The following WWOX variants were observed in gnomAD, a reference collection of about 807,000 sequenced individuals.
WWOX encodes the protein WW domain containing oxidoreductase, also known as WW domain-containing oxidoreductase.
WWOX carries 69 observed loss-of-function variants against 46.2 expected under a neutral mutation model. The observed-to-expected ratio is 1.49, with a 90% CI of 1.23 to 1.82. WWOX has a LOEUF of 1.82. Ranked by LOEUF, WWOX falls within the 40% of genes most tolerant of loss-of-function variation. WWOX has a pLI of 0.00. For missense variants in WWOX, 919 were observed against 542.6 expected (o/e 1.69, Z -6.89); for synonymous variants, 359 against 202.6 (o/e 1.77, Z -6.56).
At chr16:78,291,839 A>C (rs1366916202) in intron 5 of WWOX, among the ~76,000 whole-genome samples, 2 of 152,172 alleles carry the variant, frequency 1.3e-5, no homozygotes, top group Non-Finnish European at 2.9e-5. Context: ...CCATCTTTGC[A>C]GTGAGCTGAG....
At chr16:79,154,748 C>G (rs989876133) in intron 8 of WWOX, among the ~76,000 whole-genome samples, 1 of 152,146 alleles carries the variant, frequency 6.6e-6, no homozygotes, top group African/African-American at 2.4e-5. Context: ...GTTTTCATGT[C>G]TTTTGGGTCC....
At chr16:78,769,754 C>A (rs947086279) in intron 8 of WWOX, among the ~76,000 whole-genome samples, 1 of 151,286 alleles carries the variant, frequency 6.6e-6, no homozygotes, top group Non-Finnish European at 1.5e-5. Context: ...TGTCTGTAAT[C>A]CCAGCACTTT....
chr16:78,498,860 C>G (rs538616961), intron 8 of WWOX, among the ~76,000 whole-genome samples: 7 of 92,656 alleles, frequency 7.6e-5, no homozygotes, highest in Non-Finnish European at 1.8e-4. Context: ...GCCACTGTTA[C>G]TGGTCTGTTT....
At chr16:79,064,359 T>A (rs1282837158) in intron 8 of WWOX, among the ~76,000 whole-genome samples, 1 of 152,220 alleles carries the variant, frequency 6.6e-6, no homozygotes, top group African/African-American at 2.4e-5. Flanking sequence ...AAGTTTCAGT[T>A]TCCTTATCTG....
intron 5 of WWOX, among the ~76,000 whole-genome samples, chr16:78,385,723 T>C (rs1341229491): frequency 2.0e-5 from 3 of 152,172 alleles, no homozygotes; most frequent in African/African-American, 7.2e-5. Flanking sequence ...CTTACAGGTA[T>C]CATGTTATCC....
chr16:78,311,572 T>C (rs1349418061), intron 5 of WWOX, among the ~76,000 whole-genome samples: 2 of 152,224 alleles, frequency 1.3e-5, no homozygotes, highest in African/African-American at 2.4e-5. Flanking sequence ...GAGCAAGCAA[T>C]GTGACCTTAC....
chr16:78,862,372 T>C (rs1161356685), intron 8 of WWOX, among the ~76,000 whole-genome samples: 2 of 151,332 alleles, frequency 1.3e-5, no homozygotes, highest in African/African-American at 4.9e-5. Flanking sequence ...CACTATAGTA[T>C]ATAGAGTATA....
intron 8 of WWOX, among the ~76,000 whole-genome samples, chr16:79,076,645 C>T (rs1479910061): frequency 3.3e-5 from 5 of 152,152 alleles, no homozygotes; most frequent in Admixed American, 1.3e-4. Flanking sequence ...GCTAGGTAGG[C>T]GGTATGGGAA....
intron 5 of WWOX, among the ~76,000 whole-genome samples, chr16:78,286,283 G>A (rs183951005): frequency 1.2e-4 from 19 of 152,340 alleles, no homozygotes; most frequent in African/African-American, 4.6e-4. Flanking sequence ...ACATGCTGCT[G>A]TACCATATGG....
intron 5 of WWOX, among the ~76,000 whole-genome samples, chr16:78,336,877 T>G (rs974997567): frequency 5.3e-5 from 8 of 152,032 alleles, no homozygotes; most frequent in Non-Finnish European, 5.9e-5. Context: ...CCTCCCAGTT[T>G]AAGCCATTCT....
chr16:78,531,045 C>A (rs78513494), intron 8 of WWOX, among the ~76,000 whole-genome samples: 170 of 152,216 alleles, frequency 1.1e-3, no homozygotes, highest in African/African-American at 4.0e-3. Context: ...CATTAACTGT[C>A]CTTGTTTTAT....
At chr16:79,051,862 C>A (rs1225980027) in intron 8 of WWOX, among the ~76,000 whole-genome samples, 1 of 152,206 alleles carries the variant, frequency 6.6e-6, no homozygotes, top group South Asian at 2.1e-4. Context: ...TTAGCTCCCA[C>A]AGTTTAGCCT....
chr16:78,233,273 A>G (rs1159635857), intron 5 of WWOX, among the ~76,000 whole-genome samples: 1 of 151,522 alleles, frequency 6.6e-6, no homozygotes, highest in Non-Finnish European at 1.5e-5. Flanking sequence ...TGCCTTTTCC[A>G]ATCATAATAG....
chr16:78,933,970 T>C (rs1247703521), intron 8 of WWOX, among the ~76,000 whole-genome samples: 1 of 151,888 alleles, frequency 6.6e-6, no homozygotes, highest in Non-Finnish European at 1.5e-5. Flanking sequence ...GGTGGGAGAA[T>C]TACTTGAGGC....
At chr16:78,823,434 A>G (rs1482545184) in intron 8 of WWOX, among the ~76,000 whole-genome samples, 1 of 152,190 alleles carries the variant, frequency 6.6e-6, no homozygotes, top group African/African-American at 2.4e-5. Context: ...AATGTAAGGG[A>G]AGTCATCATC....
intron 4 of WWOX, among the ~76,000 whole-genome samples, chr16:78,132,341 C>T (rs1019600384): frequency 1.3e-5 from 2 of 152,024 alleles, no homozygotes; most frequent in Admixed American, 6.6e-5. Flanking sequence ...TTTTCTTAAC[C>T]TTTATTTCCA....
chr16:78,221,519 A>G (rs1483267230), intron 5 of WWOX, among the ~76,000 whole-genome samples: 1 of 152,214 alleles, frequency 6.6e-6, no homozygotes, highest in Admixed American at 6.5e-5. Context: ...TTTATAAGAA[A>G]GGTCTTGTCT....
chr16:78,497,479 A>G (rs1231208668), intron 8 of WWOX, among the ~76,000 whole-genome samples: 2 of 152,256 alleles, frequency 1.3e-5, no homozygotes, highest in East Asian at 1.9e-4. Flanking sequence ...GATTACAACA[A>G]TCTAAAAAAT....
At chr16:78,459,769 C>G (rs975395482) in intron 8 of WWOX, among the ~76,000 whole-genome samples, 32 of 152,140 alleles carry the variant, frequency 2.1e-4, no homozygotes, top group African/African-American at 7.7e-4. Flanking sequence ...CTACTTGATG[C>G]TGCAACTGAA....
Sources: allele counts gnomAD v4.1 joint callset (sites outside exome capture counted in the v4.1 genomes callset), GRCh38; gene constraint gnomAD v4.1.1; transcripts MANE v1.5; gene names NCBI Gene and HGNC (gene_info 2026-07-23, HGNC 2026-07-21).